The following GRK5 variants were observed in gnomAD, a reference collection of about 807,000 sequenced individuals.
GRK5 encodes g protein-coupled receptor kinase GRK5.
In GRK5, 40 loss-of-function variants were observed where a neutral mutation model predicts 78.4. That is an observed-to-expected ratio of 0.51 (90% CI 0.40 to 0.66). The LOEUF is 0.66. Among genes scored for constraint, GRK5 ranks in the 30% least tolerant of loss-of-function variants. The pLI, the probability that GRK5 is intolerant of heterozygous loss-of-function variation, is 0.00. For missense variants in GRK5, 598 were observed against 759.9 expected, an observed-to-expected ratio of 0.79 and a Z score of 2.50; for synonymous variants, 289 against 296.8, an observed-to-expected ratio of 0.97 and a Z score of 0.27.
intron 3 of GRK5, among the ~76,000 whole-genome samples, chr10:119,389,449 C>T (rs186457562): frequency 2.0e-5 from 3 of 152,332 alleles, no homozygotes; most frequent in African/African-American, 7.2e-5. Flanking sequence ...ATCTAGGAAG[C>T]CAGACCCCGG....
chr10:119,273,808 C>G (rs933542454), intron 1 of GRK5, among the ~76,000 whole-genome samples: 4 of 152,286 alleles, frequency 2.6e-5, no homozygotes, highest in African/African-American at 9.6e-5. Flanking sequence ...GAGTCTCGCT[C>G]TGTCACCAAG....
At chr10:119,413,363 A>G (rs1852381562) in intron 4 of GRK5, among the ~76,000 whole-genome samples, 1 of 150,822 alleles carries the variant, frequency 6.6e-6, no homozygotes, top group African/African-American at 2.4e-5. Flanking sequence ...GCTATTCTCT[A>G]TCTCCTTCTT....
intron 1 of GRK5, among the ~76,000 whole-genome samples, chr10:119,310,850 T>C (rs1456453078): frequency 1.3e-5 from 2 of 152,182 alleles, no homozygotes; most frequent in Non-Finnish European, 1.5e-5. Flanking sequence ...AAACTGTGGT[T>C]CAGAGAGGTT....
At chr10:119,225,782 T>C (rs55968238) in intron 1 of GRK5, among the ~76,000 whole-genome samples, 9,604 of 151,382 alleles carry the variant, frequency 0.063, 345 homozygotes, top group Middle Eastern at 0.22. Flanking sequence ...GCAATTCTCC[T>C]GTCTCAGCCT....
chr10:119,397,638 G>GT (rs1005601478), intron 4 of GRK5, among the ~76,000 whole-genome samples: 2 of 152,206 alleles, frequency 1.3e-5, no homozygotes, highest in African/African-American at 4.8e-5. Context: ...ATACCTCCTG[G>GT]TGCCCATCCC....
At chr10:119,365,071 C>G (rs1851423591) in intron 2 of GRK5, among the ~76,000 whole-genome samples, 1 of 152,168 alleles carries the variant, frequency 6.6e-6, no homozygotes, top group South Asian at 2.1e-4. Flanking sequence ...AAAGCATTAA[C>G]ACGGAGCAGC....
chr10:119,247,623 T>C (rs79132747), intron 1 of GRK5, among the ~76,000 whole-genome samples: 3,222 of 152,320 alleles, frequency 0.021, 58 homozygotes, highest in Admixed American at 0.054. Flanking sequence ...GCTATGTTTA[T>C]TTACTATAGT....
intron 2 of GRK5, among the ~76,000 whole-genome samples, chr10:119,352,250 C>T (rs1851196540): frequency 6.6e-6 from 1 of 152,150 alleles, no homozygotes; most frequent in African/African-American, 2.4e-5. Context: ...CTAGGTGTCT[C>T]ATGATCCAAG....
At chr10:119,331,743 C>T (rs1850783368) in intron 2 of GRK5, among the ~76,000 whole-genome samples, 1 of 152,218 alleles carries the variant, frequency 6.6e-6, no homozygotes. Flanking sequence ...TGCCTTCAGC[C>T]CTGCCCTGGA....
At chr10:119,316,121 T>C (rs1850483128) in intron 1 of GRK5, among the ~76,000 whole-genome samples, 1 of 152,194 alleles carries the variant, frequency 6.6e-6, no homozygotes, top group Non-Finnish European at 1.5e-5. Flanking sequence ...CCATTCCTGC[T>C]ACGTCTGGTT....
Position 119,452,467 on chromosome 10 carries a change from G to A in GRK5, c.1405-204G>A. The A allele has an allele frequency of 1.8e-6, 1 of 568,382 alleles. No homozygotes were observed. Among genetic ancestry groups the A allele is most frequent in the Non-Finnish European group, 3.1e-6 (1 of 321,494 alleles). The allele number at this position is 568,382 out of a possible 1,614,324, so 35.2% of individuals were successfully genotyped here. On this transcript the variant is annotated intron_variant, in intron 13 of 15. Transcript: ENST00000392870. This position sits in a 1 kb window ranked among gnomAD's most constrained non-coding sequence, Gnocchi z 4.4. ...ACAGGCCATCATCTGAGGTGGACAG[G>A]AAGCCCAGCCAAGCCACTGGGGCCG...
intron 1 of GRK5, among the ~76,000 whole-genome samples, chr10:119,317,015 G>T (rs1207262565): frequency 6.6e-6 from 1 of 152,166 alleles, no homozygotes; most frequent in Non-Finnish European, 1.5e-5. Context: ...GAATGAAAAA[G>T]ACACTCCTAT....
At chr10:119,301,261 G>A (rs1850177170) in intron 1 of GRK5, among the ~76,000 whole-genome samples, 1 of 152,214 alleles carries the variant, frequency 6.6e-6, no homozygotes, top group African/African-American at 2.4e-5. Context: ...CTACCTTGTG[G>A]TGGTTCTAAC....
chr10:119,268,918 G>T lies in GRK5; in HGVS notation c.53-57598G>T, dbSNP rs988933109. ...TGTCCTCACTTCTGGGGTGACTTGT[G>T]AGTAGATAACAAAGGGGGTGCCCTC... On this transcript the variant is annotated intron_variant, in intron 1 of 15. Transcript: ENST00000392870. Among the ~76,000 whole-genome samples the T allele has an allele frequency of 2.6e-5, 4 of 152,154 alleles. No individual in the cohort carries two copies. The East Asian group carries it at 7.7e-4, about 29-fold the overall frequency.
chr10:119,420,229 G>A (rs1852541046), intron 4 of GRK5, among the ~76,000 whole-genome samples: 1 of 151,994 alleles, frequency 6.6e-6, no homozygotes, highest in African/African-American at 2.4e-5. Flanking sequence ...CCTAACTAGA[G>A]TTAGCCTTCA....
chr10:119,261,606 G>A lies in GRK5; in HGVS notation c.52+53637G>A, dbSNP rs1436539293. Among the ~76,000 whole-genome samples the A allele has an allele frequency of 8.1e-4, 123 of 152,066 alleles. 1 individual carries two copies. The highest frequency in any genetic ancestry group is 9.8e-4 in the Admixed American group (15 of 15,262). On this transcript the variant is annotated intron_variant, in intron 1 of 15. Coordinates refer to ENST00000392870, the MANE Select transcript of GRK5 (RefSeq NM_005308.3). ...CACGCCACTGCACTCCAGCCTGGGC[G>A]CCATTGAGCACTGAGTGAACCAGAC...
chr10:119,420,440 G>A (rs559707066), intron 4 of GRK5, among the ~76,000 whole-genome samples: 1 of 151,268 alleles, frequency 6.6e-6, no homozygotes, highest in African/African-American at 2.4e-5. Context: ...CAGTACAACC[G>A]AGAGGCATAA....
intron 15 of GRK5, 83 bp downstream of exon 15, chr10:119,453,359 T>C (rs1853334627): frequency 6.6e-7 from 1 of 1,516,770 alleles, no homozygotes; most frequent in East Asian, 2.3e-5. Flanking sequence ...AGACCCACAG[T>C]AGAGACCCTT....
chr10:119,411,888 T>C (rs1315094607), intron 4 of GRK5, among the ~76,000 whole-genome samples: 8 of 138,824 alleles, frequency 5.8e-5, no homozygotes, highest in African/African-American at 2.1e-4. Context: ...TCTTGCTCTG[T>C]CGCCCAGTCT....
Sources: allele counts gnomAD v4.1 joint callset (sites outside exome capture counted in the v4.1 genomes callset), GRCh38; gene constraint gnomAD v4.1.1; non-coding constraint Gnocchi (gnomAD v3.1); transcripts MANE v1.5; gene names NCBI Gene and HGNC (gene_info 2026-07-23, HGNC 2026-07-21).